The following GNB4 variants were observed in gnomAD, a reference collection of about 807,000 sequenced individuals.
GNB4 encodes the protein guanine nucleotide-binding protein subunit beta-4.
A neutral mutation model predicts 45.2 loss-of-function variants in GNB4; 28 were observed. The observed-to-expected ratio is 0.62, with a 90% CI of 0.46 to 0.85. GNB4 has a LOEUF of 0.85. GNB4 is among the 40% of genes least tolerant of loss of function. The probability of loss-of-function intolerance (pLI) is 0.00; values close to 1 mark genes in which losing one functional copy is unlikely to be tolerated. For synonymous variants in GNB4, 132 were observed against 143.7 expected (o/e 0.92, Z 0.58); for missense variants, 321 against 425.4 (o/e 0.75, Z 2.16).
At chr3:179,477,830 C>G in the GNB4 span, among the ~76,000 whole-genome samples, 1 of 152,122 alleles carries the variant, frequency 6.6e-6, no homozygotes, top group Non-Finnish European at 1.5e-5. Flanking sequence ...TTTTTTCTAT[C>G]CTGCTCCTCT....
At chr3:179,510,409 G>T in the GNB4 span, among the ~76,000 whole-genome samples, 1 of 152,100 alleles carries the variant, frequency 6.6e-6, no homozygotes, top group Non-Finnish European at 1.5e-5. Flanking sequence ...CAGGTTCAAG[G>T]CTTGACTAGG....
the GNB4 span, among the ~76,000 whole-genome samples, chr3:179,527,564 T>C: frequency 6.6e-6 from 1 of 152,254 alleles, no homozygotes; most frequent in Non-Finnish European, 1.5e-5. Context: ...TTTTAGAAAC[T>C]ATTCCTCACT....
intron 1 of GNB4, among the ~76,000 whole-genome samples, chr3:179,441,751 C>CAA (rs532127011): frequency 5.6e-5 from 7 of 124,118 alleles, no homozygotes; most frequent in African/African-American, 1.8e-4. Flanking sequence ...GACTCCATCT[C>CAA]AAAAAAAAAA....
the GNB4 span, among the ~76,000 whole-genome samples, chr3:179,525,636 G>A: frequency 3.9e-5 from 6 of 152,156 alleles, no homozygotes; most frequent in Non-Finnish European, 7.3e-5. Context: ...GTCCCCGCAG[G>A]GATTAAACAC....
At chr3:179,413,687 A>C (rs747328798) in intron 7 of GNB4, 28 bp downstream of exon 7, 3 of 1,612,642 alleles carry the variant, frequency 1.9e-6, no homozygotes, top group Non-Finnish European at 2.5e-6. Context: ...TCAAACCCAT[A>C]ATCAGTGTGC....
the GNB4 span, among the ~76,000 whole-genome samples, chr3:179,509,473 AAG>A: frequency 6.6e-6 from 1 of 152,026 alleles, no homozygotes; most frequent in South Asian, 2.1e-4. Flanking sequence ...AACCCGAGTG[AAG>A]AGAGTTAGGT....
the GNB4 span, among the ~76,000 whole-genome samples, chr3:179,487,435 A>G: frequency 6.6e-6 from 1 of 152,180 alleles, no homozygotes; most frequent in Non-Finnish European, 1.5e-5. Context: ...CTCTTGGCGA[A>G]GGGAACCCCG....
intron 5 of GNB4, 62 bp from the exon 6 acceptor site, chr3:179,415,109 A>G (rs1390823471): frequency 2.4e-6 from 3 of 1,261,550 alleles, no homozygotes; most frequent in Non-Finnish European, 3.2e-6. Context: ...GCATAAACCC[A>G]TTTACAATGA....
the GNB4 span, among the ~76,000 whole-genome samples, chr3:179,506,130 C>T: frequency 6.6e-6 from 1 of 152,150 alleles, no homozygotes; most frequent in South Asian, 2.1e-4. Context: ...ATCGCTTGAG[C>T]TTAGGCATTT....
At chr3:179,462,408 A>G in the GNB4 span, among the ~76,000 whole-genome samples, 2 of 152,202 alleles carry the variant, frequency 1.3e-5, no homozygotes, top group Admixed American at 6.5e-5. Flanking sequence ...ATTTGACAAT[A>G]AGCATGGCAT....
At chr3:179,482,374 G>A in the GNB4 span, among the ~76,000 whole-genome samples, 45 of 152,276 alleles carry the variant, frequency 3.0e-4, no homozygotes, top group African/African-American at 1.1e-3. Context: ...TAAAATATTA[G>A]GGTGGGTTCT....
At chr3:179,402,500 A>G (rs1247551712) in intron 9 of GNB4, among the ~76,000 whole-genome samples, 4 of 152,168 alleles carry the variant, frequency 2.6e-5, no homozygotes, top group African/African-American at 9.7e-5. Flanking sequence ...GGTTGTAGAA[A>G]ATTATTCCTG....
the GNB4 span, chr3:179,465,117 A>G: frequency 7.4e-7 from 1 of 1,359,788 alleles, no homozygotes; most frequent in Non-Finnish European, 1.1e-6. Flanking sequence ...GGTATTCCAA[A>G]TCTGATCACA....
chr3:179,456,118 T>C (rs928427499), upstream of GNB4, among the ~76,000 whole-genome samples: 2 of 151,088 alleles, frequency 1.3e-5, no homozygotes, highest in African/African-American at 2.4e-5. Flanking sequence ...TTTTTTTTTT[T>C]TTTTTTTTTT....
chr3:179,497,390 A>G, the GNB4 span, among the ~76,000 whole-genome samples: 1 of 152,318 alleles, frequency 6.6e-6, no homozygotes, highest in Middle Eastern at 3.4e-3. Context: ...ACTTGAAACC[A>G]TAAAAATCAT....
intron 1 of GNB4, among the ~76,000 whole-genome samples, chr3:179,427,869 T>C (rs1715191527): frequency 6.6e-6 from 1 of 152,158 alleles, no homozygotes; most frequent in African/African-American, 2.4e-5. Context: ...TGGTCTCTTT[T>C]CTCTTCTTAT....
At chr3:179,475,623 C>T in the GNB4 span, among the ~76,000 whole-genome samples, 6 of 151,798 alleles carry the variant, frequency 4.0e-5, no homozygotes, top group African/African-American at 1.5e-4. Flanking sequence ...CAGGTGCATG[C>T]CACCACACCC....
chr3:179,442,848 T>G (rs1406617984), intron 1 of GNB4, among the ~76,000 whole-genome samples: 1 of 152,144 alleles, frequency 6.6e-6, no homozygotes. Flanking sequence ...TAGGCCTGTC[T>G]TGACATCCTG....
At chr3:179,525,270 A>G in the GNB4 span, among the ~76,000 whole-genome samples, 1 of 152,198 alleles carries the variant, frequency 6.6e-6, no homozygotes, top group African/African-American at 2.4e-5. Context: ...ATTTAGAACC[A>G]TTATCGAGTT....
Sources: allele counts gnomAD v4.1 joint callset (sites outside exome capture counted in the v4.1 genomes callset), GRCh38; gene constraint gnomAD v4.1.1; transcripts MANE v1.5; gene names NCBI Gene and HGNC (gene_info 2026-07-23, HGNC 2026-07-21).